ZMAT3: variants seen among roughly 807,000 people sequenced by gnomAD.
ZMAT3 encodes zinc finger matrin-type protein 3.
ZMAT3 carries 17 observed loss-of-function variants against 32.3 expected under a neutral mutation model. The ratio of observed to expected loss-of-function variants is 0.53; its 90% CI spans 0.36 to 0.79. ZMAT3 has a LOEUF of 0.79. Among genes scored for constraint, ZMAT3 ranks in the 30% least tolerant of loss-of-function variants. The probability of loss-of-function intolerance (pLI) is 0.00; values close to 1 mark genes in which losing one functional copy is unlikely to be tolerated. For missense variants in ZMAT3, 329 were observed against 359.7 expected (o/e 0.91, Z 0.69); for synonymous variants, 120 against 133.1 (o/e 0.90, Z 0.68).
intron 2 of ZMAT3, 96 bp from the exon 3 acceptor site, chr3:179,031,095 A>G: frequency 9.5e-7 from 1 of 1,055,190 alleles, no homozygotes; most frequent in Non-Finnish European, 1.3e-6. Flanking sequence ...AAAAATATTA[A>G]GATATTTTGA....
intron 2 of ZMAT3, among the ~76,000 whole-genome samples, chr3:179,034,664 A>G (rs113885186): frequency 1.1e-4 from 17 of 152,306 alleles, no homozygotes; most frequent in African/African-American, 3.8e-4. Flanking sequence ...TAAGAGGCAT[A>G]TCCAACTTAA....
At chr3:179,048,876 A>G (rs537321632) in intron 2 of ZMAT3, among the ~76,000 whole-genome samples, 1 of 152,284 alleles carries the variant, frequency 6.6e-6, no homozygotes, top group East Asian at 1.9e-4. Flanking sequence ...AAATATTCCA[A>G]ATGGCAAAAC....
chr3:179,018,296 G>A lies in ZMAT3; in HGVS notation c.*6721C>T, dbSNP rs1037502472. On this transcript the variant is annotated 3_prime_UTR_variant, in exon 6 of 6. Transcript: ENST00000311417. ...TAAGCACTTACAAAGACTTATAAAT[G>A]AATCATGAAGGTCATCAAAATGCAA... is the stretch of plus-strand genomic sequence containing the variant. 1.3e-5 allele frequency: 2 copies of A among 152,094 alleles called. No individual in the cohort carries two copies. Among genetic ancestry groups the A allele is most frequent in the African/African-American group, 4.8e-5 (2 of 41,416 alleles). 9.4% of individuals were successfully genotyped at this position (152,094 alleles called of 1,614,324 possible). A position where few individuals can be genotyped will look rare whatever the true frequency, so the allele number is the denominator to read the frequency against.
At chr3:179,028,629 A>G (rs1048967956) in intron 3 of ZMAT3, among the ~76,000 whole-genome samples, 1 of 152,248 alleles carries the variant, frequency 6.6e-6, no homozygotes, top group East Asian at 1.9e-4. Flanking sequence ...CACTGGGGGT[A>G]GCTATTCAAT....
chr3:179,067,833 A>G, intron 1 of ZMAT3, 24 bp from the exon 2 acceptor site: 1 of 1,542,184 alleles, frequency 6.5e-7, no homozygotes, highest in South Asian at 1.2e-5. Flanking sequence ...AAAAAAACAG[A>G]AAAAAAAACT....
Position 179,046,757 on chromosome 3 carries a change from C to T in ZMAT3, c.271-15758G>A, listed in dbSNP as rs1271986846. On this transcript the variant is annotated intron_variant, in intron 2 of 5. Coordinates refer to ENST00000311417, the MANE Select transcript of ZMAT3 (RefSeq NM_022470.4). This position sits in a 1 kb window ranked among gnomAD's most constrained non-coding sequence, Gnocchi z 4.3. ...AGCTTTCCCCCAATTCCCTGGTGACCTGTGTGACACAGCAGAGGCAGCCAT... is the reference window on the plus strand; with the variant it reads ...AGCTTTCCCCCAATTCCCTGGTGACTTGTGTGACACAGCAGAGGCAGCCAT... 6.6e-6 allele frequency among the ~76,000 whole-genome samples: 1 copy of T among 152,176 alleles called. No individual in the cohort carries two copies. Among genetic ancestry groups the T allele is most frequent in the African/African-American group, 2.4e-5 (1 of 41,450 alleles).
At chr3:179,058,292 T>A (rs952464868) in intron 2 of ZMAT3, among the ~76,000 whole-genome samples, 2 of 152,238 alleles carry the variant, frequency 1.3e-5, no homozygotes, top group African/African-American at 4.8e-5. Context: ...GCTGCGACTG[T>A]GCACTTGTGC....
intron 2 of ZMAT3, among the ~76,000 whole-genome samples, chr3:179,050,582 G>C (rs1720503481): frequency 6.6e-6 from 1 of 151,938 alleles, no homozygotes; most frequent in African/African-American, 2.4e-5. Context: ...TACTCCAAAA[G>C]ACAAAGAAAT....
chr3:179,063,428 T>C lies in ZMAT3; in HGVS notation c.270+4055A>G, dbSNP rs573391883. On this transcript the variant is annotated intron_variant, in intron 2 of 5. Coordinates refer to ENST00000311417, the MANE Select transcript of ZMAT3 (RefSeq NM_022470.4). ...TTCTTTCACCTGTGTTCTCTTTCTC[T>C]AATCAATCTAATTCATGGTAGGTTG... is the stretch of plus-strand genomic sequence containing the variant. Among the ~76,000 whole-genome samples the C allele has an allele frequency of 8.5e-5, 13 of 152,374 alleles. No homozygotes were observed. The South Asian group carries it at 1.9e-3, about 22-fold the overall frequency.
Position 179,030,897 on chromosome 3 carries a change from C to T in ZMAT3, c.373G>A (p.Val125Ile). The T allele has an allele frequency of 6.2e-7, 1 of 1,613,630 alleles. No homozygotes were observed. The highest frequency in any genetic ancestry group is 1.7e-4 in the Middle Eastern group (1 of 6,060). The stretch of plus-strand genomic sequence containing the variant: ...TGTCTCACCTGCGGAGGGACTGGAA[C>T]AACTGGAGTAGCTGCAGGCTCGACC... The part of the protein sequence containing the change: ...NVVEPAATPV[V>I]PVPPQMGSFK... Residue 125 changes from valine to isoleucine, a missense_variant, in exon 3 of 6, where the codon GTT becomes ATT. Physicochemically the swap from Val to Ile is conservative, Grantham distance 29 (BLOSUM62 3). Transcript: ENST00000311417.
At chr3:179,072,290 G>T (rs889585312), upstream of ZMAT3, 2 of 152,618 alleles carry the variant, frequency 1.3e-5, no homozygotes, top group African/African-American at 4.8e-5. Flanking sequence ...GAAGAAGAGC[G>T]TGGCTGCCTG....
rs1274802270 is a variant in ZMAT3, at chr3:179,024,653, AT to A, written c.*363del. On this transcript the variant is annotated 3_prime_UTR_variant, in exon 6 of 6. Transcript: ENST00000311417. ...TTCTTTAACAGTACATAAAACTAAA[AT>A]TGCAAAAGAAAATGAAACTTTTAAA... 4.9e-6 allele frequency: 1 copy of A among 205,378 alleles called. No individual in the cohort carries two copies. The highest frequency in any genetic ancestry group is 2.3e-5 in the African/African-American group (1 of 44,274). The allele number at this position is 205,378 out of a possible 1,614,324, so 12.7% of individuals were successfully genotyped here.
chr3:179,027,229 ATAT>A (rs1307435611), intron 5 of ZMAT3, among the ~76,000 whole-genome samples, 191 bp downstream of exon 5: 1 of 152,224 alleles, frequency 6.6e-6, no homozygotes, highest in Non-Finnish European at 1.5e-5. Context: ...AATAAATAAT[ATAT>A]TATTTACAAC....
chr3:179,025,371 G>A, intron 5 of ZMAT3, 143 bp from the exon 6 acceptor site: 1 of 722,118 alleles, frequency 1.4e-6, no homozygotes, highest in Non-Finnish European at 2.2e-6. Flanking sequence ...GAAGTTAATG[G>A]ATTTTTAAAA....
intron 3 of ZMAT3, among the ~76,000 whole-genome samples, chr3:179,028,105 T>C (rs995989668): frequency 6.6e-6 from 1 of 152,196 alleles, no homozygotes; most frequent in Admixed American, 6.5e-5. Flanking sequence ...CAGTAAGTCA[T>C]GGGTAAAATA....
chr3:179,045,899 T>G (rs943220417), intron 2 of ZMAT3, among the ~76,000 whole-genome samples: 6 of 152,112 alleles, frequency 3.9e-5, no homozygotes, highest in African/African-American at 1.4e-4. Flanking sequence ...GAGAGAGAAG[T>G]GATACTTGGA....
At chr3:179,041,304 T>G (rs1418978081) in intron 2 of ZMAT3, among the ~76,000 whole-genome samples, 1 of 152,210 alleles carries the variant, frequency 6.6e-6, no homozygotes, top group African/African-American at 2.4e-5. Context: ...ACATCACACT[T>G]ATTCTAAAAT....
At chr3:179,055,408 C>A (rs1189974743) in intron 2 of ZMAT3, among the ~76,000 whole-genome samples, 1 of 151,986 alleles carries the variant, frequency 6.6e-6, no homozygotes, top group African/African-American at 2.4e-5. Context: ...AGACAACTCA[C>A]AATTATGTAA....
chr3:179,055,952 C>A (rs1043872843), intron 2 of ZMAT3, among the ~76,000 whole-genome samples: 2 of 152,116 alleles, frequency 1.3e-5, no homozygotes, highest in Non-Finnish European at 2.9e-5. Flanking sequence ...GACACAGAAT[C>A]AGAACATGGA....
Sources: allele counts gnomAD v4.1 joint callset (sites outside exome capture counted in the v4.1 genomes callset), GRCh38; gene constraint gnomAD v4.1.1; non-coding constraint Gnocchi (gnomAD v3.1); transcripts MANE v1.5; gene names NCBI Gene and HGNC (gene_info 2026-07-23, HGNC 2026-07-21).